ESCO2: variants seen among roughly 807,000 people sequenced by gnomAD.
ESCO2 encodes N-acetyltransferase ESCO2.
In ESCO2, 51 loss-of-function variants were observed where a neutral mutation model predicts 61.7. The observed-to-expected ratio is 0.83, with a 90% CI of 0.66 to 1.04. The LOEUF (loss-of-function observed/expected upper bound fraction) is 1.04. Among genes scored for constraint, ESCO2 ranks in the 50% least tolerant of loss-of-function variants. The pLI is 0.00. For missense variants in ESCO2, 692 were observed against 686.2 expected, an observed-to-expected ratio of 1.01 and a Z score of -0.09; for synonymous variants, 230 against 238.2, an observed-to-expected ratio of 0.97 and a Z score of 0.32.
Position 27,803,550 on chromosome 8 carries a change from ACACACACACACACACACG to A in ESCO2, c.*123_*140del, listed in dbSNP as rs1805499432. On this transcript the variant is annotated 3_prime_UTR_variant, in exon 11 of 11. Transcript: ENST00000305188. ...AAAAAATACCGAGACTCACACTCAT[ACACACACACACACACACG>A]CACACACACATATCACAGTTTTGTT... The A allele has an allele frequency of 3.5e-6, 4 of 1,157,340 alleles. No homozygotes were observed. Among genetic ancestry groups the A allele is most frequent in the Non-Finnish European group, 4.3e-6 (4 of 922,366 alleles). The allele number at this position is 1,157,340 out of a possible 1,614,324, so 71.7% of individuals were successfully genotyped here. A position where few individuals can be genotyped will look rare whatever the true frequency, so the allele number is the denominator to read the frequency against.
downstream of ESCO2, among the ~76,000 whole-genome samples, chr8:27,808,896 T>C (rs984508640): frequency 2.1e-4 from 32 of 152,212 alleles, no homozygotes; most frequent in Admixed American, 2.1e-3. Context: ...ATGCTGGGAT[T>C]ATTTTGTAAT....
chr8:27,804,292 A>G lies in ESCO2; in HGVS notation c.*854A>G. 1.0e-6 allele frequency: 1 copy of G among 985,426 alleles called. No individual in the cohort carries two copies. Among genetic ancestry groups the G allele is most frequent in the Non-Finnish European group, 1.2e-6 (1 of 829,914 alleles). The allele number at this position is 985,426 out of a possible 1,614,324, so 61.0% of individuals were successfully genotyped here. On this transcript the variant is annotated 3_prime_UTR_variant, in exon 11 of 11. Transcript: ENST00000305188. Reference sequence around the variant, plus strand: ...CTTAGTTAATTTTTGTTGTATGGAAATATTGGTAGTACTACTTTGGGAACC... The same window carrying G: ...CTTAGTTAATTTTTGTTGTATGGAAGTATTGGTAGTACTACTTTGGGAACC...
At chr8:27,800,946 T>C (rs887122279) in intron 10 of ESCO2, among the ~76,000 whole-genome samples, 2 of 152,120 alleles carry the variant, frequency 1.3e-5, no homozygotes, top group African/African-American at 4.8e-5. Context: ...TGAGGAAAGA[T>C]GAATGGAGAG....
chr8:27,818,123 G>T, the ESCO2 span, among the ~76,000 whole-genome samples: 40 of 152,172 alleles, frequency 2.6e-4, no homozygotes, highest in African/African-American at 9.2e-4. Flanking sequence ...GTCCTAAAGG[G>T]AGAATGACAC....
At chr8:27,773,994 A>G (rs76464628), upstream of ESCO2, among the ~76,000 whole-genome samples, 4,396 of 152,364 alleles carry the variant, frequency 0.029, 100 homozygotes, top group Non-Finnish European at 0.041. Flanking sequence ...GGTAAGAAGT[A>G]AATGAAACAA....
rs1805130279 is a variant in ESCO2 at position 27,789,687 on chromosome 8, A to G, written c.1263+709A>G. Among the ~76,000 whole-genome samples, 3 of 151,694 alleles carry G rather than the reference A, an allele frequency of 2.0e-5. No individual in the cohort carries two copies. The South Asian group carries it at 6.3e-4, about 32-fold the overall frequency. ...TCCCAGCTACTCGGGAGGCTGAGGC[A>G]GGAGAATCGCCTGAACCCAGGAGGT... On this transcript the variant is annotated intron_variant, in intron 7 of 10. Transcript: ENST00000305188.
downstream of ESCO2, chr8:27,810,505 G>A (rs1312214517): frequency 6.4e-7 from 1 of 1,569,940 alleles, no homozygotes; most frequent in South Asian, 1.1e-5. Flanking sequence ...GTTTTATCTT[G>A]AAGGAGTTAG....
chr8:27,819,612 G>A, the ESCO2 span, among the ~76,000 whole-genome samples: 1 of 151,898 alleles, frequency 6.6e-6, no homozygotes, highest in African/African-American at 2.4e-5. Flanking sequence ...GTTTTTTTGT[G>A]TGATCTAAGA....
chr8:27,795,378 G>A (rs928441837), intron 9 of ESCO2, among the ~76,000 whole-genome samples: 6 of 152,104 alleles, frequency 3.9e-5, no homozygotes, highest in African/African-American at 1.4e-4. Flanking sequence ...TTTGTATCCT[G>A]CACCTTTTCT....
chr8:27,772,380 G>A, upstream of ESCO2: 1 of 836,306 alleles, frequency 1.2e-6, no homozygotes, highest in Non-Finnish European at 2.0e-6. Flanking sequence ...CTGGGGGACC[G>A]AGAGGCCGCG....
downstream of ESCO2, chr8:27,810,460 A>G: frequency 6.2e-7 from 1 of 1,606,816 alleles, no homozygotes; most frequent in Non-Finnish European, 8.5e-7. Context: ...AACGCTGCAT[A>G]GTATGCTTCA....
At chr8:27,799,421 T>G (rs1805374138) in intron 9 of ESCO2, 120 bp from the exon 10 acceptor site, 1 of 1,035,842 alleles carries the variant, frequency 9.7e-7, no homozygotes, top group Admixed American at 1.8e-5. Context: ...ATAGAAAATA[T>G]TTTTTAACAT....
At chr8:27,780,333 A>G (rs1804898961) in intron 4 of ESCO2, 66 bp downstream of exon 4, 3 of 1,052,212 alleles carry the variant, frequency 2.9e-6, no homozygotes, top group Non-Finnish European at 4.4e-6. Context: ...TTATACAATA[A>G]TAATTCTTGT....
chr8:27,777,396 G>A, intron 3 of ESCO2: 4 of 324,302 alleles, frequency 1.2e-5, no homozygotes, highest in Non-Finnish European at 1.7e-5. Context: ...CAACCTCCTA[G>A]GCTCAAGCAA....
At chr8:27,777,519 C>T (rs560504112) in intron 3 of ESCO2, 51 of 198,150 alleles carry the variant, frequency 2.6e-4, no homozygotes, top group Non-Finnish European at 3.1e-4. Flanking sequence ...AGGCTGGTCT[C>T]GCACTGCTGG....
downstream of ESCO2, chr8:27,811,143 A>G: frequency 6.2e-7 from 1 of 1,613,598 alleles, no homozygotes; most frequent in Non-Finnish European, 8.5e-7. Context: ...CACTGAAACA[A>G]GCAAGATGGT....
At chr8:27,806,587 G>C (rs1430056220), downstream of ESCO2, among the ~76,000 whole-genome samples, 1 of 150,916 alleles carries the variant, frequency 6.6e-6, no homozygotes, top group African/African-American at 2.4e-5. Flanking sequence ...TGGGAGGACT[G>C]ATTTTTAGAC....
chr8:27,779,441 T>C (rs1285355650), intron 3 of ESCO2: 1 of 152,236 alleles, frequency 6.6e-6, no homozygotes, highest in Non-Finnish European at 1.5e-5. Context: ...TTTTCCCACA[T>C]TCCTGCTACT....
At chr8:27,810,986 A>C, downstream of ESCO2, 1 of 1,607,516 alleles carries the variant, frequency 6.2e-7, no homozygotes, top group Non-Finnish European at 8.5e-7. Context: ...TTGAAAGATT[A>C]ATGTGTGGAA....
Sources: allele counts gnomAD v4.1 joint callset (sites outside exome capture counted in the v4.1 genomes callset), GRCh38; gene constraint gnomAD v4.1.1; transcripts MANE v1.5; gene names NCBI Gene and HGNC (gene_info 2026-07-23, HGNC 2026-07-21).